Variants in TRAF5 observed in about 807,000 individuals in gnomAD.
TRAF5 encodes the protein TNF receptor-associated factor 5.
In TRAF5, 48 loss-of-function variants were observed where a neutral mutation model predicts 64.5. The ratio of observed to expected loss-of-function variants is 0.74; its 90% CI spans 0.59 to 0.95. The LOEUF (loss-of-function observed/expected upper bound fraction) is 0.95, where lower values mean the gene tolerates loss of function less well. Ranked by LOEUF, TRAF5 falls within the 40% of genes least tolerant of loss-of-function variation. TRAF5 has a pLI of 0.00. For synonymous variants in TRAF5, 206 were observed against 240.5 expected (o/e 0.86, Z 1.33); for missense variants, 545 against 662.8 (o/e 0.82, Z 1.95).
chr1:211,354,806 C>T (rs1702909496), intron 3 of TRAF5, among the ~76,000 whole-genome samples: 1 of 152,120 alleles, frequency 6.6e-6, no homozygotes, highest in Admixed American at 6.6e-5. Context: ...TGCTTATTGG[C>T]TATTTGTACA....
At chr1:211,344,637 G>A (rs1197149119) in intron 1 of TRAF5, among the ~76,000 whole-genome samples, 1 of 152,212 alleles carries the variant, frequency 6.6e-6, no homozygotes, top group African/African-American at 2.4e-5. Flanking sequence ...TTTGAGGGAA[G>A]GCCTCTTTAG....
At chr1:211,349,337 A>G (rs764349170) in intron 1 of TRAF5, among the ~76,000 whole-genome samples, 3 of 152,258 alleles carry the variant, frequency 2.0e-5, no homozygotes, top group Non-Finnish European at 4.4e-5. Flanking sequence ...GAAGTCCACA[A>G]TCAAGACACC....
At chr1:211,334,614 C>T (rs528113282) in intron 1 of TRAF5, among the ~76,000 whole-genome samples, 197 of 152,260 alleles carry the variant, frequency 1.3e-3, no homozygotes, top group African/African-American at 4.5e-3. Context: ...GCCGAGATCG[C>T]ACCACTGCAC....
chr1:211,356,441 T>A lies in TRAF5; in HGVS notation c.351T>A (p.Asn117Lys), dbSNP rs1270988343. The change falls in exon 4 of 11, where the codon AAT becomes AAA. Residue 117 changes from asparagine (N) to lysine (K), a missense_variant. Transcript: ENST00000261464. ...YVYCSNAPGC[N>K]AKVILGRYQD... ...ATTGCAGCAATGCTCCTGGATGTAA[T>A]GCCAAGGTTATTCTGGGCCGGTACC... The A allele has an allele frequency of 6.2e-7, 1 of 1,614,186 alleles. No homozygotes were observed. Among genetic ancestry groups the A allele is most frequent in the Non-Finnish European group, 8.5e-7 (1 of 1,179,988 alleles).
rs377253474 is a variant in TRAF5, at chr1:211,349,003, C to T, written c.-1-4236C>T. Among the ~76,000 whole-genome samples, 3 of 132,968 alleles carry T rather than the reference C, an allele frequency of 2.3e-5. No individual in the cohort carries two copies. In the East Asian group the frequency reaches 6.5e-4, roughly 29 times the overall value. The allele number at this position is 132,968 out of a possible 152,430, so 87.2% of individuals were successfully genotyped here. ...TTGCTTGTGGCCAGGAGTTCAAGACCAGGCTGGGCAACATAGTGAGACTCT... is the reference window on the plus strand; with the variant it reads ...TTGCTTGTGGCCAGGAGTTCAAGACTAGGCTGGGCAACATAGTGAGACTCT... On this transcript the variant is annotated intron_variant, in intron 1 of 10. Transcript: ENST00000261464.
intron 4 of TRAF5, 167 bp downstream of exon 4, chr1:211,356,635 C>T: frequency 1.7e-6 from 1 of 594,526 alleles, no homozygotes; most frequent in Non-Finnish European, 3.0e-6. Context: ...TGTAGCCCAC[C>T]TACGGCTGAG....
At chr1:211,351,031 CTTTTTTTTT>C (rs11426853) in intron 1 of TRAF5, among the ~76,000 whole-genome samples, 1 of 116,038 alleles carries the variant, frequency 8.6e-6, no homozygotes, top group Admixed American at 1.0e-4. Context: ...CTGGCCTCTT[CTTTTTTTTT>C]TTTTTTTTTT....
chr1:211,372,909 T>G lies in TRAF5; in HGVS notation c.*207T>G. ...TTTGAAACTTAAAACTCTTAGAATA[T>G]TCTCTTATTATTTATATTTTTATAT... On this transcript the variant is annotated 3_prime_UTR_variant, in exon 11 of 11. Coordinates refer to ENST00000261464, the MANE Select transcript of TRAF5 (RefSeq NM_001033910.3). 2.2e-6 allele frequency: 1 copy of G among 458,302 alleles called. No individual in the cohort carries two copies. Among genetic ancestry groups the G allele is most frequent in the Non-Finnish European group, 3.8e-6 (1 of 262,366 alleles). 28.4% of individuals were successfully genotyped at this position (458,302 alleles called of 1,614,324 possible). A position where few individuals can be genotyped will look rare whatever the true frequency, so the allele number is the denominator to read the frequency against.
intron 1 of TRAF5, among the ~76,000 whole-genome samples, chr1:211,343,295 A>C (rs763896846): frequency 1.3e-5 from 2 of 152,294 alleles, no homozygotes; most frequent in Non-Finnish European, 2.9e-5. Context: ...TTGTCATGCC[A>C]TGCTGACTCT....
intron 8 of TRAF5, among the ~76,000 whole-genome samples, chr1:211,367,371 C>T (rs1703388420): frequency 6.6e-6 from 1 of 152,204 alleles, no homozygotes; most frequent in African/African-American, 2.4e-5. Flanking sequence ...TGAGTTTGGA[C>T]AAACTACCTC....
At chr1:211,362,685 A>G (rs758914550) in intron 7 of TRAF5, among the ~76,000 whole-genome samples, 120 of 152,280 alleles carry the variant, frequency 7.9e-4, no homozygotes, top group Middle Eastern at 6.8e-3. Context: ...CTCAAAATAA[A>G]CAAACGAAAA....
chr1:211,338,749 C>G (rs905297635), intron 1 of TRAF5, among the ~76,000 whole-genome samples: 1 of 152,142 alleles, frequency 6.6e-6, no homozygotes, highest in Admixed American at 6.5e-5. Context: ...CTCAGCCTCC[C>G]AGGTAGCTGG....
intron 1 of TRAF5, among the ~76,000 whole-genome samples, chr1:211,338,765 C>T (rs1702371966): frequency 6.6e-6 from 1 of 152,162 alleles, no homozygotes; most frequent in South Asian, 2.1e-4. Flanking sequence ...GCTGGGATTA[C>T]AGATGTGTGC....
chr1:211,352,796 AAG>A (rs1316557879), intron 1 of TRAF5, among the ~76,000 whole-genome samples: 1 of 152,198 alleles, frequency 6.6e-6, no homozygotes, highest in African/African-American at 2.4e-5. Context: ...CTGTGCTTCC[AAG>A]ATGGTGAGAA....
chr1:211,372,750 A>G lies in TRAF5; in HGVS notation c.*48A>G. On this transcript the variant is annotated 3_prime_UTR_variant, in exon 11 of 11. Transcript: ENST00000261464. ...GGACTTCTTGGGGCCAGAACTGTGG[A>G]GGAGAGCACATTTGATTATCATATT... 1 of 1,499,756 alleles carries G rather than the reference A, an allele frequency of 6.7e-7. No homozygotes were observed. The highest frequency in any genetic ancestry group is 1.2e-5 in the South Asian group (1 of 84,144). 92.9% of individuals were successfully genotyped at this position (1,499,756 alleles called of 1,614,324 possible).
At position 211,372,697 on chromosome 1, in the gene TRAF5, C is replaced by T. The variant is rs575262227; in HGVS notation, c.1669C>T (p.Leu557Phe). 1.2e-6 allele frequency: 2 copies of T among 1,613,818 alleles called. No individual in the cohort carries two copies. The highest frequency in any genetic ancestry group is 1.7e-6 in the Non-Finnish European group (2 of 1,179,794). ...CGTGGACTTAACTGACCTGGAGGAT[C>T]TCTAGTCACTGTTATGGGGTGATAA... Reference protein sequence around the residue: ...VAVDLTDLEDL With the variant: ...VAVDLTDLEDF The change falls in exon 11 of 11, where the codon CTC becomes TTC. Residue 557 changes from leucine to phenylalanine, a missense_variant. By Grantham distance (22) the Leu-to-Phe change is conservative (BLOSUM62 0). Coordinates refer to ENST00000261464, the MANE Select transcript of TRAF5 (RefSeq NM_001033910.3).
At chr1:211,339,951 G>C (rs1196870541) in intron 1 of TRAF5, among the ~76,000 whole-genome samples, 2 of 152,238 alleles carry the variant, frequency 1.3e-5, no homozygotes, top group African/African-American at 4.8e-5. Context: ...AAAGTCAGCT[G>C]TGGATGAGCA....
At chr1:211,341,597 G>C (rs889124497) in intron 1 of TRAF5, among the ~76,000 whole-genome samples, 5 of 152,208 alleles carry the variant, frequency 3.3e-5, no homozygotes, top group African/African-American at 9.7e-5. Flanking sequence ...AAAGGACACA[G>C]GTCTGTGGGT....
intron 7 of TRAF5, among the ~76,000 whole-genome samples, chr1:211,362,605 G>A (rs1324877391): frequency 6.6e-6 from 1 of 152,148 alleles, no homozygotes; most frequent in Middle Eastern, 3.4e-3. Context: ...CCTTGAACCC[G>A]GGAGGCCAAG....
Sources: gnomAD v4.1 joint callset for allele counts (sites outside exome capture counted in the v4.1 genomes callset) on GRCh38, gnomAD v4.1.1 for gene constraint, MANE v1.5 for transcripts, NCBI Gene and HGNC (gene_info 2026-07-23, HGNC 2026-07-21) for gene names.